TLL1: variants seen among roughly 807,000 people sequenced by gnomAD.
TLL1 encodes the protein tolloid-like protein 1.
Under a neutral mutation model 128.2 loss-of-function variants are expected in TLL1, and 49 were observed. The ratio of observed to expected loss-of-function variants is 0.38; its 90% CI spans 0.30 to 0.48. TLL1 has a LOEUF of 0.48. Among genes scored for constraint, TLL1 ranks in the 20% least tolerant of loss-of-function variants. The probability of loss-of-function intolerance (pLI) is 0.96; values close to 1 mark genes in which losing one functional copy is unlikely to be tolerated. For synonymous variants in TLL1, 454 were observed against 418.8 expected, an observed-to-expected ratio of 1.08 and a Z score of -1.03; for missense variants, 1,123 against 1,242.0, an observed-to-expected ratio of 0.90 and a Z score of 1.44.
intron 1 of TLL1, among the ~76,000 whole-genome samples, chr4:165,911,874 T>C (rs1159777337): frequency 1.3e-5 from 2 of 152,050 alleles, no homozygotes; most frequent in African/African-American, 2.4e-5. Context: ...GTTTTTTTGT[T>C]TTGTTTTGTT....
At chr4:165,993,684 C>G (rs1736740272) in intron 3 of TLL1, among the ~76,000 whole-genome samples, 1 of 151,804 alleles carries the variant, frequency 6.6e-6, no homozygotes, top group African/African-American at 2.4e-5. Context: ...TTAGGAGAAA[C>G]AAAAACAGCA....
chr4:166,084,137 A>G (rs1243376907), intron 18 of TLL1, among the ~76,000 whole-genome samples: 1 of 152,098 alleles, frequency 6.6e-6, no homozygotes, highest in East Asian at 1.9e-4. Flanking sequence ...CTGGATGGTT[A>G]GTGATGTTGA....
intron 1 of TLL1, among the ~76,000 whole-genome samples, chr4:165,896,593 C>T (rs983118541): frequency 3.3e-5 from 5 of 150,854 alleles, no homozygotes; most frequent in Non-Finnish European, 5.9e-5. Flanking sequence ...CACCATTCTC[C>T]TGCCTCAGCC....
At chr4:166,099,575 A>G (rs376915454) in intron 20 of TLL1, 48 bp downstream of exon 20, 349 of 1,570,774 alleles carry the variant, frequency 2.2e-4, no homozygotes, top group Admixed American at 5.2e-4. Context: ...AAAGATGCCT[A>G]TTGATTCATG....
chr4:165,938,038 T>C (rs529725274), intron 1 of TLL1, among the ~76,000 whole-genome samples: 2 of 152,178 alleles, frequency 1.3e-5, no homozygotes, highest in African/African-American at 4.8e-5. Flanking sequence ...AGATTATGTA[T>C]TAACGTTGGC....
intron 2 of TLL1, among the ~76,000 whole-genome samples, chr4:165,992,061 T>C (rs1479417004): frequency 6.6e-6 from 1 of 152,014 alleles, no homozygotes; most frequent in Non-Finnish European, 1.5e-5. Context: ...GAATCTACCT[T>C]TTCTAGGTTT....
At chr4:165,904,139 G>C (rs2110858750) in intron 1 of TLL1, among the ~76,000 whole-genome samples, 1 of 151,956 alleles carries the variant, frequency 6.6e-6, no homozygotes, top group African/African-American at 2.4e-5. Flanking sequence ...CATTCTCTAT[G>C]CTCTGGAGTC....
At chr4:166,001,940 T>A (rs1288724464) in intron 5 of TLL1, among the ~76,000 whole-genome samples, 1 of 152,148 alleles carries the variant, frequency 6.6e-6, no homozygotes, top group East Asian at 1.9e-4. Flanking sequence ...AAAATCAATC[T>A]CAATTATTAG....
At position 165,936,086 on chromosome 4, in the gene TLL1, T is replaced by A. The variant is rs116506660; in HGVS notation, c.170-53295T>A. On this transcript the variant is annotated intron_variant, in intron 1 of 20. Transcript: ENST00000061240. ...AGAAAGATCGTTGATTCCTTGAGAG[T>A]TGAAAAATGATGATACTCTATCATT... Among the ~76,000 whole-genome samples the A allele has an allele frequency of 9.7e-3, 1,473 of 151,582 alleles. 26 individuals are homozygous for A. Among genetic ancestry groups the A allele is most frequent in the African/African-American group, 0.034 (1,406 of 41,418 alleles).
At chr4:166,035,239 A>G (rs1306345524) in intron 9 of TLL1, among the ~76,000 whole-genome samples, 1 of 152,194 alleles carries the variant, frequency 6.6e-6, no homozygotes, top group South Asian at 2.1e-4. Context: ...AGAATAATTC[A>G]GCTCTTGGTT....
At chr4:166,096,399 A>G (rs1317498467) in intron 19 of TLL1, among the ~76,000 whole-genome samples, 1 of 152,006 alleles carries the variant, frequency 6.6e-6, no homozygotes, top group Non-Finnish European at 1.5e-5. Context: ...TTTTTTTTAA[A>G]TGTAGGCCAT....
intron 12 of TLL1, among the ~76,000 whole-genome samples, chr4:166,052,199 ATCT>A (rs1332765604): frequency 1.3e-5 from 2 of 152,172 alleles, no homozygotes; most frequent in Non-Finnish European, 2.9e-5. Flanking sequence ...TTTAATAATA[ATCT>A]TCTTAAAATA....
intron 6 of TLL1, among the ~76,000 whole-genome samples, chr4:166,006,933 C>A (rs1313344041): frequency 6.6e-6 from 1 of 151,528 alleles, no homozygotes; most frequent in Non-Finnish European, 1.5e-5. Flanking sequence ...TTAATGGGAT[C>A]TTTTTATATT....
intron 8 of TLL1, among the ~76,000 whole-genome samples, chr4:166,018,548 C>G (rs547337430): frequency 6.6e-6 from 1 of 152,104 alleles, no homozygotes; most frequent in Non-Finnish European, 1.5e-5. Flanking sequence ...TATCCACAAA[C>G]TACACATCTG....
chr4:166,102,964 A>G lies in TLL1; in HGVS notation c.*2088A>G, dbSNP rs993877463. On this transcript the variant is annotated 3_prime_UTR_variant, in exon 21 of 21. Transcript: ENST00000061240. The stretch of plus-strand genomic sequence containing the variant: ...GAAAAAGTCATTAACATTAACACCT[A>G]TACTGTTCTATACTACTCCTACCCG... 2.8e-4 allele frequency: 42 copies of G among 151,854 alleles called. No homozygotes were observed. Among genetic ancestry groups the G allele is most frequent in the African/African-American group, 8.9e-4 (37 of 41,408 alleles). The allele number at this position is 151,854 out of a possible 1,614,324, so 9.4% of individuals were successfully genotyped here.
At chr4:165,962,985 G>A (rs903528105) in intron 1 of TLL1, among the ~76,000 whole-genome samples, 1 of 149,558 alleles carries the variant, frequency 6.7e-6, no homozygotes, top group Non-Finnish European at 1.5e-5. Context: ...AACCGAGGAG[G>A]CGGAGGTTAT....
At chr4:166,099,623 TTG>T in intron 20 of TLL1, 96 bp downstream of exon 20, 1 of 1,475,124 alleles carries the variant, frequency 6.8e-7, no homozygotes, top group Non-Finnish European at 9.2e-7. Context: ...GCAATGCTTT[TTG>T]CAAAAAAAAA....
At chr4:165,964,634 C>G (rs1735280307) in intron 1 of TLL1, among the ~76,000 whole-genome samples, 1 of 152,130 alleles carries the variant, frequency 6.6e-6, no homozygotes, top group Non-Finnish European at 1.5e-5. Flanking sequence ...TCCAAAAGTA[C>G]AGTCAAGGCT....
chr4:165,903,364 A>G (rs1438189193), intron 1 of TLL1, among the ~76,000 whole-genome samples: 1 of 151,032 alleles, frequency 6.6e-6, no homozygotes. Context: ...AAGTGACAAT[A>G]CTGTATTGTA....
Sources: allele counts gnomAD v4.1 joint callset (sites outside exome capture counted in the v4.1 genomes callset), GRCh38; gene constraint gnomAD v4.1.1; transcripts MANE v1.5; gene names NCBI Gene and HGNC (gene_info 2026-07-23, HGNC 2026-07-21).